UPRT: variants seen among roughly 807,000 people sequenced by gnomAD.
UPRT encodes RP11-311P8.3.
A neutral mutation model predicts 22.6 loss-of-function variants in UPRT; 5 were observed. The observed-to-expected ratio is 0.22, with a 90% CI of 0.12 to 0.47. The LOEUF is 0.47. UPRT is among the 20% of genes least tolerant of loss of function. The pLI is 0.99. For missense variants in UPRT, 181 were observed against 239.9 expected (o/e 0.75, Z 1.62); for synonymous variants, 77 against 87.7 (o/e 0.88, Z 0.68).
intron 4 of UPRT, among the ~76,000 whole-genome samples, chrX:75,198,579 T>A (rs187833181): frequency 0.01 from 1,162 of 111,859 alleles, 17 homozygotes; most frequent in African/African-American, 0.033. Flanking sequence ...ACATTTAAAA[T>A]TTTTCATAAT....
chrX:75,164,428 A>G lies in UPRT; in HGVS notation c.-521+1203A>G, dbSNP rs1456789101. On this transcript the variant is annotated intron_variant, in intron 3 of 13. Transcript: ENST00000652605. ...GTAATAACATTACAAACAGACCAAG[A>G]CAGAAATATTATCGAGCCATACAAA... Among the ~76,000 whole-genome samples, 6 of 111,658 alleles carry G rather than the reference A, an allele frequency of 5.4e-5. No individual in the cohort carries two copies. In the Admixed American group the frequency reaches 5.8e-4, roughly 11 times the overall value.
rs145413559 is a variant in UPRT at position 75,171,325 on chromosome X, C to A, written c.-447+3446C>A. Among the ~76,000 whole-genome samples the A allele has an allele frequency of 4.4e-3, 494 of 111,417 alleles. 2 individuals are homozygous for A. Among genetic ancestry groups the A allele is most frequent in the African/African-American group, 0.015 (471 of 30,770 alleles). ...TTGGTTAAATCAAAAGCCTTGTCTT[C>A]GAGCTCTGAGGTTCTTTCTTTTGCT... On this transcript the variant is annotated intron_variant, in intron 4 of 13. Coordinates refer to the UPRT transcript ENST00000652605.
chrX:75,185,120 G>C (rs1396995028), intron 4 of UPRT, among the ~76,000 whole-genome samples: 2 of 111,669 alleles, frequency 1.8e-5, no homozygotes, highest in African/African-American at 3.3e-5. Flanking sequence ...GGAATGCTCC[G>C]AGGTTTTGCC....
intron 4 of UPRT, among the ~76,000 whole-genome samples, chrX:75,227,697 G>T (rs1229177951): frequency 8.9e-6 from 1 of 112,420 alleles, no homozygotes; most frequent in Non-Finnish European, 1.9e-5. Flanking sequence ...GAAGCCAAAT[G>T]CAATATAATA....
At chrX:75,297,162 T>C (rs1834925614) in intron 3 of UPRT, among the ~76,000 whole-genome samples, 2 of 111,765 alleles carry the variant, frequency 1.8e-5, no homozygotes, top group Admixed American at 1.9e-4. Flanking sequence ...TTTGAATTGA[T>C]GGGGTATATA....
intron 4 of UPRT, among the ~76,000 whole-genome samples, chrX:75,208,229 T>A: frequency 9.0e-6 from 1 of 111,627 alleles, no homozygotes; most frequent in Non-Finnish European, 1.9e-5. Flanking sequence ...AGACCAAATA[T>A]CCTCAGCTAT....
upstream of UPRT, among the ~76,000 whole-genome samples, chrX:75,272,182 G>A (rs764866271): frequency 2.2e-4 from 24 of 106,953 alleles, no homozygotes; most frequent in East Asian, 5.6e-3. Flanking sequence ...AGTTGCACAC[G>A]CATGTTTATA....
chrX:75,160,401 C>T (rs1396930792), intron 1 of UPRT, among the ~76,000 whole-genome samples: 1 of 111,623 alleles, frequency 9.0e-6, no homozygotes, highest in Non-Finnish European at 1.9e-5. Flanking sequence ...TATTGTATAC[C>T]TCTTAACCTG....
At position 75,212,476 on chromosome X, in the gene UPRT, C is replaced by T. The variant is rs753070729; in HGVS notation, c.-447+44597C>T. Among the ~76,000 whole-genome samples, 10 of 111,681 alleles carry T rather than the reference C, an allele frequency of 9.0e-5. No individual in the cohort carries two copies. The East Asian group carries it at 2.2e-3, about 25-fold the overall frequency. On this transcript the variant is annotated intron_variant, in intron 4 of 13. Coordinates refer to the UPRT transcript ENST00000652605. Reference sequence around the variant, plus strand: ...GCAGAAATCAAGAAGTTCTTTGAAACAAATGAGAACAAAGAGACAACATAC... The same window carrying T: ...GCAGAAATCAAGAAGTTCTTTGAAATAAATGAGAACAAAGAGACAACATAC...
intron 4 of UPRT, among the ~76,000 whole-genome samples, chrX:75,181,166 G>A (rs1365763129): frequency 9.1e-6 from 1 of 110,492 alleles, no homozygotes; most frequent in East Asian, 2.9e-4. Flanking sequence ...ATTGGTGTAG[G>A]TGTGCAGCAT....
At chrX:75,249,901 C>G (rs1256721510) in intron 4 of UPRT, among the ~76,000 whole-genome samples, 2 of 110,977 alleles carry the variant, frequency 1.8e-5, no homozygotes, top group African/African-American at 3.3e-5. Flanking sequence ...TCAGGATTAA[C>G]AAACTCACTC....
intron 4 of UPRT, among the ~76,000 whole-genome samples, chrX:75,173,500 C>T (rs1017612139): frequency 1.8e-5 from 2 of 112,522 alleles, no homozygotes; most frequent in African/African-American, 3.2e-5. Flanking sequence ...AGACTCTCCA[C>T]GTCCCCACCA....
intron 3 of UPRT, among the ~76,000 whole-genome samples, 153 bp from the exon 4 acceptor site, chrX:75,297,333 ACTCAT>A (rs1234529034): frequency 2.7e-5 from 3 of 111,706 alleles, no homozygotes; most frequent in African/African-American, 6.5e-5. Context: ...AAAAATCATG[ACTCAT>A]CTCATTATTT....
intron 4 of UPRT, among the ~76,000 whole-genome samples, chrX:75,177,388 C>T (rs765484361): frequency 3.3e-4 from 37 of 111,736 alleles, no homozygotes; most frequent in Non-Finnish European, 6.0e-4. Flanking sequence ...TCCTTACCGA[C>T]GCATTCTTGA....
In UPRT at chrX:75,210,060, G is replaced by T. The variant is rs184154917; in HGVS notation, c.-447+42181G>T. On this transcript the variant is annotated intron_variant, in intron 4 of 13. Transcript: ENST00000652605. Reference sequence around the variant, plus strand: ...GCCCTTATTGGTATTAGGGCTTAAGGTGGTATATTTAGTCATGGCCTTTGA... The same window carrying T: ...GCCCTTATTGGTATTAGGGCTTAAGTTGGTATATTTAGTCATGGCCTTTGA... Among the ~76,000 whole-genome samples the T allele has an allele frequency of 2.2e-3, 241 of 111,786 alleles. 1 individual carries two copies. The highest frequency in any genetic ancestry group is 3.9e-3 in the Non-Finnish European group (205 of 53,143).
intron 4 of UPRT, among the ~76,000 whole-genome samples, chrX:75,197,276 C>G (rs371940859): frequency 1.8e-5 from 2 of 111,828 alleles, no homozygotes; most frequent in African/African-American, 6.5e-5. Flanking sequence ...TCTGGAGAAA[C>G]CCGCTTCATC....
intron 4 of UPRT, among the ~76,000 whole-genome samples, chrX:75,251,473 G>C (rs1245537480): frequency 1.8e-5 from 2 of 111,218 alleles, no homozygotes; most frequent in Non-Finnish European, 3.8e-5. Flanking sequence ...TTGCTTCAAA[G>C]AGAATAAAAT....
chrX:75,231,614 A>C (rs1005779744), intron 4 of UPRT, among the ~76,000 whole-genome samples: 2 of 111,978 alleles, frequency 1.8e-5, no homozygotes, highest in African/African-American at 6.5e-5. Flanking sequence ...CAGGAAATTC[A>C]TTGCAAAAAG....
intron 1 of UPRT, among the ~76,000 whole-genome samples, chrX:75,288,898 A>G (rs1183570591): frequency 9.0e-6 from 1 of 111,682 alleles, no homozygotes; most frequent in Non-Finnish European, 1.9e-5. Context: ...TCGTCAAACT[A>G]TCTCTCTTCA....
Sources: gnomAD v4.1 joint callset for allele counts (sites outside exome capture counted in the v4.1 genomes callset) on GRCh38, gnomAD v4.1.1 for gene constraint, MANE v1.5 for transcripts, NCBI Gene and HGNC (gene_info 2026-07-23, HGNC 2026-07-21) for gene names.